The following BTNL8 variants were observed in gnomAD, a reference collection of about 807,000 sequenced individuals.
BTNL8 encodes the protein butyrophilin-like protein 8.
Under a neutral mutation model 36.1 loss-of-function variants are expected in BTNL8, and 22 were observed. That is an observed-to-expected ratio of 0.61 (90% CI 0.44 to 0.87). BTNL8 has a LOEUF of 0.87. Among genes scored for constraint, BTNL8 ranks in the 40% least tolerant of loss-of-function variants. The pLI is 0.00. For synonymous variants in BTNL8, 203 were observed against 235.6 expected (o/e 0.86, Z 1.27); for missense variants, 526 against 616.9 (o/e 0.85, Z 1.56).
At chr5:180,939,468 T>C (rs1380993484) in intron 3 of BTNL8, among the ~76,000 whole-genome samples, 1 of 152,202 alleles carries the variant, frequency 6.6e-6, no homozygotes, top group Non-Finnish European at 1.5e-5. Context: ...AGAAGATTAT[T>C]ATTTAATGAT....
At chr5:180,929,887 A>C (rs1186449824) in intron 3 of BTNL8, among the ~76,000 whole-genome samples, 1 of 152,220 alleles carries the variant, frequency 6.6e-6, no homozygotes, top group East Asian at 1.9e-4. Context: ...CCAGAGGTAC[A>C]AAGAGGAGCT....
chr5:180,902,509 TATA>T, intron 1 of BTNL8: 1 of 1,082,796 alleles, frequency 9.2e-7, no homozygotes. Context: ...TAGGTCACAC[TATA>T]AAGGGTTTTT....
intron 2 of BTNL8, 130 bp from the exon 3 acceptor site, chr5:180,911,209 G>C (rs1174040089): frequency 7.1e-7 from 1 of 1,407,868 alleles, no homozygotes; most frequent in East Asian, 2.3e-5. Flanking sequence ...TTTGCCAAAG[G>C]TCGTGGTTTT....
At chr5:180,910,685 C>T (rs1288888730) in intron 2 of BTNL8, among the ~76,000 whole-genome samples, 1 of 152,124 alleles carries the variant, frequency 6.6e-6, no homozygotes, top group Non-Finnish European at 1.5e-5. Flanking sequence ...TCTTTTACCC[C>T]CACACCACTG....
chr5:180,903,896 G>A (rs1756954937), intron 1 of BTNL8, among the ~76,000 whole-genome samples: 7 of 126,314 alleles, frequency 5.5e-5, no homozygotes, highest in East Asian at 4.6e-4. Flanking sequence ...CTCTGTTTTG[G>A]TACCAGTACC....
chr5:180,914,929 C>T (rs1342157756), intron 3 of BTNL8, among the ~76,000 whole-genome samples: 1 of 152,186 alleles, frequency 6.6e-6, no homozygotes, highest in African/African-American at 2.4e-5. Flanking sequence ...ACTCCCTCAG[C>T]CCACAATTTT....
rs146970792 is a variant in BTNL8, at chr5:180,911,426, G to A, written c.485G>A (p.Arg162Gln). 840 of 1,614,154 alleles carry A rather than the reference G, an allele frequency of 5.2e-4. 2 individuals carry two copies. In the African/African-American group the frequency reaches 8.6e-3, roughly 17 times the overall value. The stretch of plus-strand genomic sequence containing the variant: ...TGTCAGTCCTCGGGCTGGTTCCCCC[G>A]GCCCACAGCGAAGTGGAAAGGTCCA... Reference protein sequence around the residue: ...LLCQSSGWFPRPTAKWKGPQG... With the variant: ...LLCQSSGWFPQPTAKWKGPQG... Residue 162 changes from arginine to glutamine, a missense_variant, in exon 3 of 8, where the codon CGG becomes CAG. Arg to Gln is a conservative substitution (Grantham distance 43). Around this residue, in one of 2 missense-constraint regions of BTNL8, gnomAD observed 350 missense variants for 324.6 expected, o/e 1.08. Coordinates refer to ENST00000340184, the MANE Select transcript of BTNL8 (RefSeq NM_001040462.3).
chr5:180,948,091 C>T, intron 4 of BTNL8: 1 of 651,030 alleles, frequency 1.5e-6, no homozygotes, highest in Non-Finnish European at 2.6e-6. Flanking sequence ...CCTCCCCTCC[C>T]AGCTGCCTTC....
chr5:180,900,856 T>C (rs748229742), intron 1 of BTNL8, among the ~76,000 whole-genome samples: 1 of 152,232 alleles, frequency 6.6e-6, no homozygotes, highest in Non-Finnish European at 1.5e-5. Flanking sequence ...CATTCCAACA[T>C]CTACTGTCTC....
chr5:180,905,789 G>C (rs1422629620), intron 1 of BTNL8, among the ~76,000 whole-genome samples: 1 of 150,474 alleles, frequency 6.6e-6, no homozygotes, highest in Non-Finnish European at 1.5e-5. Flanking sequence ...TATGTACCCA[G>C]TAGTCATTCA....
At chr5:180,923,830 T>G (rs573870174) in intron 3 of BTNL8, among the ~76,000 whole-genome samples, 2 of 152,126 alleles carry the variant, frequency 1.3e-5, no homozygotes, top group African/African-American at 2.4e-5. Flanking sequence ...ACAAAATACA[T>G]TGCATTTTAT....
intron 3 of BTNL8, among the ~76,000 whole-genome samples, chr5:180,939,304 A>C (rs1354609223): frequency 6.6e-6 from 1 of 152,188 alleles, no homozygotes; most frequent in Non-Finnish European, 1.5e-5. Flanking sequence ...TATGGTGCCC[A>C]GAAGAAACTC....
At position 180,908,777 on chromosome 5, in the gene BTNL8, T is replaced by C; in HGVS notation, c.241T>C (p.Tyr81His). 1 of 1,614,162 alleles carries C rather than the reference T, an allele frequency of 6.2e-7. No homozygotes were observed. Among genetic ancestry groups the C allele is most frequent in the Non-Finnish European group, 8.5e-7 (1 of 1,180,034 alleles). ...KDQPFMQMPQ[Y>H]QGRTKLVKDS... ...CCAGCCATTTATGCAGATGCCACAG[T>C]ATCAAGGCAGGACAAAACTGGTGAA... The change falls in exon 2 of 8, where the codon TAT (tyrosine) becomes CAT (histidine). Residue 81 changes from tyrosine to histidine, a missense_variant. By Grantham distance (83) the Tyr-to-His change is moderately conservative. Transcript: ENST00000340184.
rs1257477927 is a variant in BTNL8 at position 180,949,690 on chromosome 5, G to T, written c.863-214G>T. On this transcript the variant is annotated intron_variant, in intron 7 of 7. Transcript: ENST00000340184. Reference sequence around the variant, plus strand: ...AGGGTTGGGTGATATGCCGAGATTGGGACGTCATATTGAGACATATCTAGA... The same window carrying T: ...AGGGTTGGGTGATATGCCGAGATTGTGACGTCATATTGAGACATATCTAGA... The T allele has an allele frequency of 8.1e-6, 5 of 619,556 alleles. 1 individual carries two copies. Among genetic ancestry groups the T allele is most frequent in the Non-Finnish European group, 1.3e-5 (5 of 370,490 alleles). The allele number at this position is 619,556 out of a possible 1,614,324, so 38.4% of individuals were successfully genotyped here.
chr5:180,899,493 A>C, intron 1 of BTNL8, 134 bp downstream of exon 1: 1 of 1,013,754 alleles, frequency 9.9e-7, no homozygotes, highest in Non-Finnish European at 1.5e-6. Context: ...AGCCTGGGGA[A>C]GGATCAGGCG....
At chr5:180,908,306 G>A (rs1486620151) in intron 1 of BTNL8, among the ~76,000 whole-genome samples, 3 of 152,106 alleles carry the variant, frequency 2.0e-5, no homozygotes, top group African/African-American at 7.2e-5. Flanking sequence ...TCTTTGACTC[G>A]GAAAGGGAAC....
chr5:180,909,025 G>A (rs1294911407), intron 2 of BTNL8, 92 bp downstream of exon 2: 1 of 1,327,838 alleles, frequency 7.5e-7, no homozygotes, highest in Non-Finnish European at 1.0e-6. Context: ...AAAATTTTAG[G>A]TCATTTAGTT....
chr5:180,933,550 C>T (rs186293727), intron 3 of BTNL8, among the ~76,000 whole-genome samples: 16 of 151,846 alleles, frequency 1.1e-4, no homozygotes, highest in Admixed American at 2.6e-4. Flanking sequence ...ACCATCGGGT[C>T]GCAGGAAAAA....
At chr5:180,907,790 A>G (rs946742645) in intron 1 of BTNL8, among the ~76,000 whole-genome samples, 1 of 151,860 alleles carries the variant, frequency 6.6e-6, no homozygotes, top group East Asian at 1.9e-4. Flanking sequence ...GTGAGGTGTC[A>G]GTGTGCCCCT....
Sources: allele counts gnomAD v4.1 joint callset (sites outside exome capture counted in the v4.1 genomes callset), GRCh38; gene constraint gnomAD v4.1.1; regional missense constraint gnomAD v4.1.1; transcripts MANE v1.5; gene names NCBI Gene and HGNC (gene_info 2026-07-23, HGNC 2026-07-21).